Variants in ADORA2A observed in about 807,000 individuals in gnomAD.
The protein encoded by ADORA2A is adenosine A2a receptor.
ADORA2A carries 11 observed loss-of-function variants against 18.4 expected under a neutral mutation model. The ratio of observed to expected loss-of-function variants is 0.60; its 90% confidence interval spans 0.38 to 0.99. ADORA2A has a LOEUF of 0.99. Ranked by LOEUF, ADORA2A falls within the 50% of genes least tolerant of loss-of-function variation. The probability of loss-of-function intolerance (pLI) is 0.01; values close to 1 mark genes in which losing one functional copy is unlikely to be tolerated. For synonymous variants in ADORA2A, 218 were observed against 237.3 expected, an observed-to-expected ratio of 0.92 and a Z score of 0.75; for missense variants, 449 against 556.1, an observed-to-expected ratio of 0.81 and a Z score of 1.94.
At chr22:24,433,900 C>G (rs534169874) in intron 2 of ADORA2A, among the ~76,000 whole-genome samples, 164 bp downstream of exon 2, 10 of 152,376 alleles carry the variant, frequency 6.6e-5, no homozygotes, top group African/African-American at 2.2e-4. Flanking sequence ...AGGGCCAGCA[C>G]GTGGCCAGCA....
intron 1 of ADORA2A, among the ~76,000 whole-genome samples, chr22:24,428,395 G>A (rs945632639): frequency 2.0e-5 from 3 of 152,194 alleles, no homozygotes; most frequent in Admixed American, 6.5e-5. Flanking sequence ...ATCCCCAGTC[G>A]TCTCTTCCAC....
At chr22:24,438,425 A>G (rs2043231815) in intron 2 of ADORA2A, 1 of 152,268 alleles carries the variant, frequency 6.6e-6, no homozygotes, top group African/African-American at 2.4e-5. Context: ...TGTCCGGCAC[A>G]GAGTCAGTGC....
chr22:24,429,708 T>C, intron 1 of ADORA2A: 1 of 152,540 alleles, frequency 6.6e-6, no homozygotes, highest in Non-Finnish European at 1.5e-5. Flanking sequence ...CCTTTGGGCC[T>C]CAGTTTCCTC....
intron 2 of ADORA2A, among the ~76,000 whole-genome samples, chr22:24,435,125 G>A (rs566845203): frequency 2.6e-5 from 4 of 152,344 alleles, no homozygotes; most frequent in Admixed American, 2.0e-4. Context: ...TCCCAGGAGA[G>A]TCTAGAACCC....
At chr22:24,427,941 C>G (rs2042940061) in intron 1 of ADORA2A, among the ~76,000 whole-genome samples, 195 bp downstream of exon 1, 2 of 152,196 alleles carry the variant, frequency 1.3e-5, no homozygotes, top group Non-Finnish European at 2.9e-5. Flanking sequence ...CCCCATCTTG[C>G]CCACATCCTG....
At chr22:24,429,846 C>G (rs1006646311) in intron 1 of ADORA2A, 3 of 152,336 alleles carry the variant, frequency 2.0e-5, no homozygotes, top group Non-Finnish European at 4.4e-5. Context: ...CAGGTGCCCC[C>G]TGGGACGCGT....
Position 24,434,502 on chromosome 22 carries a change from C to T in ADORA2A, c.332+766C>T, listed in dbSNP as rs187763120. Among the ~76,000 whole-genome samples, 66 of 152,336 alleles carry T rather than the reference C, an allele frequency of 4.3e-4. 1 individual carries two copies. The East Asian group carries it at 0.01, about 24-fold the overall frequency. On this transcript the variant is annotated intron_variant, in intron 2 of 2. Transcript: ENST00000337539. Reference sequence around the variant, plus strand: ...CGGCATGGATTCCACCTACCCAGGCCATAGATGAGGCTAGAAAGTGCATCC... The same window carrying T: ...CGGCATGGATTCCACCTACCCAGGCTATAGATGAGGCTAGAAAGTGCATCC...
chr22:24,433,282 CT>C lies in ADORA2A; in HGVS notation c.-122del. ...GCACTTGGCTCCTGTGAGGAAGGGG[CT>C]CAGGGGTCTGGGCCCCTCCGCCTGG... On this transcript the variant is annotated 5_prime_UTR_variant, in exon 2 of 3. Transcript: ENST00000337539. 2.1e-6 allele frequency: 2 copies of C among 936,670 alleles called. No homozygotes were observed. Among genetic ancestry groups the C allele is most frequent in the Admixed American group, 2.6e-5 (1 of 39,004 alleles). 58.0% of individuals were successfully genotyped at this position (936,670 alleles called of 1,614,324 possible).
At chr22:24,435,714 G>C (rs1006511145) in intron 2 of ADORA2A, among the ~76,000 whole-genome samples, 1 of 152,168 alleles carries the variant, frequency 6.6e-6, no homozygotes, top group Non-Finnish European at 1.5e-5. Context: ...GAGGAGGGTT[G>C]GAGGCGTGGG....
At position 24,440,689 on chromosome 22, in the gene ADORA2A, G is replaced by C; in HGVS notation, c.439G>C (p.Gly147Arg). ...TCCCATGCTAGGTTGGAACAACTGC[G>C]GTCAGCCAAAGGAGGGCAAGAACCA... is the stretch of plus-strand genomic sequence containing the variant. ...LTPMLGWNNCGQPKEGKNHSQ... is the reference protein window; with the variant it reads ...LTPMLGWNNCRQPKEGKNHSQ... The change falls in exon 3 of 3, where the codon GGT (glycine) becomes CGT (arginine). Residue 147 changes from glycine (G) to arginine (R), a missense_variant. Transcript: ENST00000337539. 5.6e-6 allele frequency: 9 copies of C among 1,613,654 alleles called. No individual in the cohort carries two copies. Among genetic ancestry groups the C allele is most frequent in the Non-Finnish European group, 7.6e-6 (9 of 1,179,622 alleles).
In ADORA2A at chr22:24,435,858, G is replaced by A. The variant is rs554399168; in HGVS notation, c.332+2122G>A. Among the ~76,000 whole-genome samples, 4 of 152,314 alleles carry A rather than the reference G, an allele frequency of 2.6e-5. No individual in the cohort carries two copies. The East Asian group carries it at 5.8e-4, about 22-fold the overall frequency. ...TGAGCCATTTGACTCTGCTCCATGA[G>A]GCTCTGCAAGGCTTAGGCTGGTCTC... On this transcript the variant is annotated intron_variant, in intron 2 of 2. Coordinates refer to ENST00000337539, the MANE Select transcript of ADORA2A (RefSeq NM_000675.6).
chr22:24,435,458 C>T (rs1043003009), intron 2 of ADORA2A, among the ~76,000 whole-genome samples: 6 of 152,180 alleles, frequency 3.9e-5, no homozygotes, highest in Admixed American at 6.5e-5. Flanking sequence ...TCAGGGCTGC[C>T]GTTCTCAATT....
chr22:24,424,477 T>G (rs1354371857), upstream of ADORA2A: 1 of 151,904 alleles, frequency 6.6e-6, no homozygotes, highest in East Asian at 2.0e-4. This position sits in a 1 kb window ranked among gnomAD's most constrained non-coding sequence, Gnocchi z 4.9. Flanking sequence ...AGGCGCTTCC[T>G]GAGGGGTGGC....
At chr22:24,440,501 G>A (rs528249349) in intron 2 of ADORA2A, 82 bp from the exon 3 acceptor site, 9 of 1,358,938 alleles carry the variant, frequency 6.6e-6, no homozygotes, top group South Asian at 4.2e-5. Flanking sequence ...ATGTGGAAAC[G>A]GGTGCTGCTC....
At chr22:24,428,249 A>C (rs567031296) in intron 1 of ADORA2A, among the ~76,000 whole-genome samples, 2 of 152,218 alleles carry the variant, frequency 1.3e-5, no homozygotes. Flanking sequence ...TGGGGCCCAC[A>C]ACCTGCCGTG....
At chr22:24,435,828 G>C (rs141874465) in intron 2 of ADORA2A, among the ~76,000 whole-genome samples, 1 of 152,304 alleles carries the variant, frequency 6.6e-6, no homozygotes, top group East Asian at 1.9e-4. Context: ...GTTCCACCCA[G>C]ACCTTGAGCC....
chr22:24,432,325 G>C (rs2043058984), intron 1 of ADORA2A: 1 of 153,048 alleles, frequency 6.5e-6, no homozygotes, highest in Non-Finnish European at 1.5e-5. Context: ...CGAGCTCCAG[G>C]GGTCTCTGGC....
intron 1 of ADORA2A, among the ~76,000 whole-genome samples, chr22:24,428,601 CATT>C (rs1184393223): frequency 6.6e-6 from 1 of 152,208 alleles, no homozygotes; most frequent in African/African-American, 2.4e-5. Flanking sequence ...TCTCTGAAAT[CATT>C]ATTAGATTAC....
At chr22:24,430,623 T>G (rs1485581652) in intron 1 of ADORA2A, among the ~76,000 whole-genome samples, 1 of 152,242 alleles carries the variant, frequency 6.6e-6, no homozygotes, top group Admixed American at 6.5e-5. Flanking sequence ...CGCCGATGAT[T>G]TGACCCCACC....
Sources: allele counts gnomAD v4.1 joint callset (sites outside exome capture counted in the v4.1 genomes callset), GRCh38; gene constraint gnomAD v4.1.1; non-coding constraint Gnocchi (gnomAD v3.1); transcripts MANE v1.5; gene names NCBI Gene and HGNC (gene_info 2026-07-23, HGNC 2026-07-21).